The following OFD1 variants were observed in gnomAD, a reference collection of about 807,000 sequenced individuals.
OFD1 encodes OFD1 centriole and centriolar satellite protein.
OFD1 carries 12 observed loss-of-function variants against 81.4 expected under a neutral mutation model. The observed-to-expected ratio is 0.15, with a 90% CI of 0.09 to 0.24. The LOEUF (loss-of-function observed/expected upper bound fraction) is 0.24. Among genes scored for constraint, OFD1 ranks in the 10% least tolerant of loss-of-function variants. The probability of loss-of-function intolerance (pLI) is 1.00; values close to 1 mark genes in which losing one functional copy is unlikely to be tolerated. For missense variants in OFD1, 685 were observed against 733.9 expected (o/e 0.93, Z 0.77); for synonymous variants, 256 against 263.7 (o/e 0.97, Z 0.28).
At chrX:13,737,851 TATTA>T (rs2046931743) in intron 3 of OFD1, among the ~76,000 whole-genome samples, 1 of 111,542 alleles carries the variant, frequency 9.0e-6, no homozygotes, top group South Asian at 3.7e-4. Context: ...GGAATTTATT[TATTA>T]ATTTATGTTT....
At chrX:13,716,049 A>G in the OFD1 span, 2 of 1,192,296 alleles carry the variant, frequency 1.7e-6, no homozygotes, top group African/African-American at 3.5e-5. Flanking sequence ...TCTTTATTCC[A>G]TCTTCTTGTC....
chrX:13,769,413 A>C (rs1003284827), downstream of OFD1: 18 of 241,444 alleles, frequency 7.5e-5, no homozygotes, highest in African/African-American at 1.2e-4. Context: ...GCTCAACTGC[A>C]GGCCTACATT....
At chrX:13,716,022 A>C in the OFD1 span, 1 of 1,191,333 alleles carries the variant, frequency 8.4e-7, no homozygotes, top group Non-Finnish European at 1.1e-6. Flanking sequence ...ATAAATCATA[A>C]ACATCAGTAA....
chrX:13,762,961 G>A (rs1333742751), intron 18 of OFD1, among the ~76,000 whole-genome samples: 1 of 111,151 alleles, frequency 9.0e-6, no homozygotes, highest in Non-Finnish European at 1.9e-5. Flanking sequence ...GTAGAGATGG[G>A]GTTTCACCAT....
At chrX:13,770,489 A>T (rs1403326768), downstream of OFD1, among the ~76,000 whole-genome samples, 1 of 112,469 alleles carries the variant, frequency 8.9e-6, no homozygotes, top group African/African-American at 3.2e-5. Context: ...ATAAAATCCT[A>T]AGTAACATAT....
chrX:13,765,832 T>C (rs1229673500), intron 19 of OFD1, among the ~76,000 whole-genome samples: 2 of 112,171 alleles, frequency 1.8e-5, no homozygotes, highest in African/African-American at 6.5e-5. Context: ...CTGGAAGGAA[T>C]AGAAGTGGAA....
chrX:13,768,572 G>T, intron 21 of OFD1, 146 bp from the exon 22 acceptor site: 1 of 523,852 alleles, frequency 1.9e-6, no homozygotes, highest in Non-Finnish European at 3.4e-6. Flanking sequence ...AGTTTATTTT[G>T]ATGTGCTTGC....
intron 11 of OFD1, among the ~76,000 whole-genome samples, chrX:13,754,476 GCA>G (rs2047626702): frequency 9.4e-6 from 1 of 106,694 alleles, no homozygotes; most frequent in African/African-American, 3.5e-5. Flanking sequence ...GAGTACAGTG[GCA>G]CAATCTCAGC....
chrX:13,728,337 T>C, the OFD1 span, among the ~76,000 whole-genome samples: 2 of 111,982 alleles, frequency 1.8e-5, no homozygotes, highest in Non-Finnish European at 3.8e-5. Flanking sequence ...TGAACATTGA[T>C]GCGAAAATCC....
At chrX:13,734,037 G>A (rs1325848907), upstream of OFD1, 7 of 514,859 alleles carry the variant, frequency 1.4e-5, no homozygotes, top group Middle Eastern at 3.1e-4. Context: ...CATGAGGACT[G>A]GCTCACCTTT....
At chrX:13,725,099 G>A in the OFD1 span, among the ~76,000 whole-genome samples, 1 of 113,121 alleles carries the variant, frequency 8.8e-6, no homozygotes, top group Non-Finnish European at 1.9e-5. Flanking sequence ...TGGCCAGGAA[G>A]CTCGAACTGG....
Position 13,755,132 on chromosome X carries a change from T to A in OFD1, c.1130-19T>A, listed in dbSNP as rs752112394. The A allele has an allele frequency of 3.5e-6, 4 of 1,140,014 alleles. No individual in the cohort carries two copies. Among genetic ancestry groups the A allele is most frequent in the East Asian group, 6.0e-5 (2 of 33,541 alleles). 93.9% of individuals were successfully genotyped at this position (1,140,014 alleles called of 1,213,427 possible). ...CTAGGAAAACATTATGGTGTTTAATTGGTGGGCTCTTTTTTCAGAAAAAGC... is the reference window on the plus strand; with the variant it reads ...CTAGGAAAACATTATGGTGTTTAATAGGTGGGCTCTTTTTTCAGAAAAAGC... On this transcript the variant is annotated intron_variant, in intron 11 of 22. Coordinates refer to ENST00000340096, the MANE Select transcript of OFD1 (RefSeq NM_003611.3).
chrX:13,734,820 T>C lies in OFD1; in HGVS notation c.-252T>C. 1 of 1,077,916 alleles carries C rather than the reference T, an allele frequency of 9.3e-7. No individual in the cohort carries two copies. 88.8% of individuals were successfully genotyped at this position (1,077,916 alleles called of 1,213,427 possible). ...TGGGTCCCCGCCCTCCAGCCGCCTT[T>C]GAGTCGTGCCTGGGTCCTCGCCCTT... On this transcript the variant is annotated 5_prime_UTR_variant, in exon 1 of 23. Coordinates refer to ENST00000340096, the MANE Select transcript of OFD1 (RefSeq NM_003611.3).
chrX:13,744,502 T>C lies in OFD1; in HGVS notation c.500T>C (p.Phe167Ser). The C allele has an allele frequency of 8.9e-7, 1 of 1,125,868 alleles. No homozygotes were observed. The highest frequency in any genetic ancestry group is 1.2e-6 in the Non-Finnish European group (1 of 817,610). The allele number at this position is 1,125,868 out of a possible 1,213,427, so 92.8% of individuals were successfully genotyped here. A position where few individuals can be genotyped will look rare whatever the true frequency, so the allele number is the denominator to read the frequency against. The change falls in exon 6 of 23, where the codon TTT (phenylalanine) becomes TCT (serine). Residue 167 changes from phenylalanine to serine, a missense_variant. Physicochemically the swap from Phe to Ser is radical, Grantham distance 155 (BLOSUM62 -2). Around this residue, in one of 3 missense-constraint regions of OFD1, gnomAD observed 414 missense variants for 447.2 expected, o/e 0.93. Transcript: ENST00000340096. ...ATGGAAACTCAGACAAGTTCGACAT[T>C]TAACAGAGATTCTCTGGGTAATTAT... ...CNMETQTSST[F>S]NRDSLAEKLQ...
the OFD1 span, among the ~76,000 whole-genome samples, chrX:13,728,457 G>A: frequency 9.0e-6 from 1 of 111,618 alleles, no homozygotes; most frequent in Non-Finnish European, 1.9e-5. Flanking sequence ...TACGCAAATC[G>A]ATAAACATAA....
chrX:13,736,542 C>T lies in OFD1; in HGVS notation c.176C>T (p.Pro59Leu), dbSNP rs746207110. Residue 59 changes from proline (P) to leucine (L), a missense_variant, in exon 3 of 23, where the codon CCT (proline) becomes CTT (leucine). Physicochemically the swap from Pro to Leu is moderately conservative, Grantham distance 98. This residue lies in a region of OFD1 where 414 missense variants were observed against 447.2 expected (regional missense o/e 0.93). Coordinates refer to ENST00000340096, the MANE Select transcript of OFD1 (RefSeq NM_003611.3). ...MHPVLSGELQ[P>L]RSISVEGSSL... Reference sequence around the variant, plus strand: ...CCTGTATTGAGTGGAGAACTGCAGCCTCGGTCCATTTCAGTAGAAGGGAGC... The same window carrying T: ...CCTGTATTGAGTGGAGAACTGCAGCTTCGGTCCATTTCAGTAGAAGGGAGC... The T allele has an allele frequency of 8.3e-7, 1 of 1,210,631 alleles. No homozygotes were observed. Among genetic ancestry groups the T allele is most frequent in the East Asian group, 3.0e-5 (1 of 33,840 alleles).
intron 5 of OFD1, among the ~76,000 whole-genome samples, chrX:13,743,767 ATTTTT>A (rs1053127928): frequency 9.8e-6 from 1 of 101,647 alleles, no homozygotes; most frequent in African/African-American, 3.5e-5. Flanking sequence ...CATTTTTCTG[ATTTTT>A]TTTTTTTAAA....
intron 18 of OFD1, 67 bp from the exon 19 acceptor site, chrX:13,763,678 A>C: frequency 5.6e-6 from 5 of 899,924 alleles, no homozygotes; most frequent in Non-Finnish European, 8.1e-6. Flanking sequence ...TTGCCCCCAC[A>C]CTGCACTGCC....
intron 5 of OFD1, 67 bp from the exon 6 acceptor site, chrX:13,744,348 T>C (rs2047215586): frequency 3.3e-6 from 2 of 604,484 alleles, no homozygotes; most frequent in Admixed American, 4.8e-5. Flanking sequence ...AAAACTAAGA[T>C]TGTAAAAACA....
Sources: gnomAD v4.1 joint callset for allele counts (sites outside exome capture counted in the v4.1 genomes callset) on GRCh38, gnomAD v4.1.1 for gene constraint, gnomAD v4.1.1 regional missense constraint, MANE v1.5 for transcripts, NCBI Gene and HGNC (gene_info 2026-07-23, HGNC 2026-07-21) for gene names.